Variants in DGKG observed in about 807,000 individuals in gnomAD.
The protein encoded by DGKG is DAG kinase gamma.
DGKG carries 78 observed loss-of-function variants against 105.3 expected under a neutral mutation model. The observed-to-expected ratio is 0.74, with a 90% CI of 0.62 to 0.89. The LOEUF is 0.89. Ranked by LOEUF, DGKG falls within the 40% of genes least tolerant of loss-of-function variation. The probability of loss-of-function intolerance (pLI) is 0.00; values close to 1 mark genes in which losing one functional copy is unlikely to be tolerated. For synonymous variants in DGKG, 346 were observed against 367.1 expected (o/e 0.94, Z 0.66); for missense variants, 958 against 1,020.1 (o/e 0.94, Z 0.83).
chr3:186,160,895 T>C (rs1412962302), intron 24 of DGKG: 1 of 985,488 alleles, frequency 1.0e-6, no homozygotes, highest in African/African-American at 1.7e-5. Context: ...ATATGGTAAG[T>C]CTGGGAATGG....
At chr3:186,339,214 T>G (rs1381531591) in intron 1 of DGKG, among the ~76,000 whole-genome samples, 2 of 152,182 alleles carry the variant, frequency 1.3e-5, no homozygotes, top group Non-Finnish European at 2.9e-5. Flanking sequence ...CTAGGAGCTA[T>G]GGGGGAGGCA....
chr3:186,216,356 C>T (rs769333252), intron 20 of DGKG, among the ~76,000 whole-genome samples: 26 of 152,004 alleles, frequency 1.7e-4, no homozygotes, highest in Non-Finnish European at 3.4e-4. Context: ...CCACAAGGGA[C>T]GTGGCTTTTA....
rs754522739 is a variant in DGKG, at chr3:186,268,933, G to A, written c.1000-16C>T. ...GCTGCATCACCTGCGGGAGGGAAGC[G>A]AACGATGCCAGGGAAAATGGCAGAA... On this transcript the variant is annotated splice_polypyrimidine_tract_variant and intron_variant, in intron 11 of 24. Coordinates refer to ENST00000265022, the MANE Select transcript of DGKG (RefSeq NM_001346.3). 7 of 1,580,198 alleles carry A rather than the reference G, an allele frequency of 4.4e-6. No homozygotes were observed. Among genetic ancestry groups the A allele is most frequent in the African/African-American group, 2.7e-5 (2 of 74,258 alleles).
At chr3:186,168,664 C>T (rs6781295) in intron 22 of DGKG, among the ~76,000 whole-genome samples, 4 of 151,954 alleles carry the variant, frequency 2.6e-5, no homozygotes, top group Admixed American at 6.6e-5. Context: ...CTGGCCAACA[C>T]GGTGAAACCC....
chr3:186,238,870 G>A (rs1009647127), intron 20 of DGKG, among the ~76,000 whole-genome samples: 2 of 152,122 alleles, frequency 1.3e-5, no homozygotes, highest in African/African-American at 4.8e-5. Flanking sequence ...AACCCATCTA[G>A]AGAGGCCATG....
intron 21 of DGKG, among the ~76,000 whole-genome samples, chr3:186,205,545 A>G (rs1049908328): frequency 6.6e-6 from 1 of 152,198 alleles, no homozygotes; most frequent in Non-Finnish European, 1.5e-5. Context: ...CCCTGTGTCT[A>G]CTAAAAATAC....
chr3:186,316,047 G>A (rs1724802766), intron 2 of DGKG, among the ~76,000 whole-genome samples: 2 of 152,270 alleles, frequency 1.3e-5, no homozygotes, highest in Non-Finnish European at 2.9e-5. Context: ...ACAAGAAAGT[G>A]CTGGAGAAAG....
In DGKG at chr3:186,280,662, A is replaced by G; in HGVS notation, c.669+8T>C. ...CTCCAAAGCCACCCCATCCTTATAG[A>G]AACTCACAGGCCTCAGCTCTGTGGG... On this transcript the variant is annotated splice_region_variant and intron_variant, in intron 8 of 24. Coordinates refer to ENST00000265022, the MANE Select transcript of DGKG (RefSeq NM_001346.3). The G allele has an allele frequency of 3.7e-6, 6 of 1,612,180 alleles. No individual in the cohort carries two copies. Among genetic ancestry groups the G allele is most frequent in the Non-Finnish European group, 5.1e-6 (6 of 1,178,300 alleles).
chr3:186,325,898 C>G (rs1180758070), intron 1 of DGKG, among the ~76,000 whole-genome samples: 1 of 152,084 alleles, frequency 6.6e-6, no homozygotes, highest in Non-Finnish European at 1.5e-5. Flanking sequence ...GTCATTTTTT[C>G]AGCACATCCT....
intron 2 of DGKG, among the ~76,000 whole-genome samples, chr3:186,317,223 TC>T (rs1475786903): frequency 5.9e-5 from 9 of 152,344 alleles, no homozygotes; most frequent in African/African-American, 2.2e-4. Flanking sequence ...CCTTTCTGGT[TC>T]TTCTCTCTGT....
intron 24 of DGKG, chr3:186,160,294 A>T: frequency 1.0e-6 from 1 of 985,396 alleles, no homozygotes; most frequent in Non-Finnish European, 1.2e-6. Flanking sequence ...GTTTTCAGCT[A>T]GGACTGAACC....
At chr3:186,350,460 T>A (rs1391862508) in intron 1 of DGKG, among the ~76,000 whole-genome samples, 1 of 152,252 alleles carries the variant, frequency 6.6e-6, no homozygotes, top group African/African-American at 2.4e-5. Flanking sequence ...ATTGTATACA[T>A]TTACCACATT....
At chr3:186,311,411 T>C (rs1724536864) in intron 2 of DGKG, among the ~76,000 whole-genome samples, 1 of 152,130 alleles carries the variant, frequency 6.6e-6, no homozygotes. Flanking sequence ...ACCCAACAGG[T>C]CAACTTGTTC....
At chr3:186,359,596 A>G (rs1014432276) in intron 1 of DGKG, among the ~76,000 whole-genome samples, 5 of 152,166 alleles carry the variant, frequency 3.3e-5, no homozygotes, top group Admixed American at 6.6e-5. Flanking sequence ...GCAACCCTAG[A>G]AAAATGGGAT....
chr3:186,326,235 T>C (rs768443985), intron 1 of DGKG, among the ~76,000 whole-genome samples: 1 of 152,022 alleles, frequency 6.6e-6, no homozygotes, highest in African/African-American at 2.4e-5. Flanking sequence ...CTATTAAAAA[T>C]ACAAAAATTA....
chr3:186,247,977 T>TTTCCTTCCTTCCTCCCTTCC (rs547928151), intron 19 of DGKG, among the ~76,000 whole-genome samples: 1 of 152,022 alleles, frequency 6.6e-6, no homozygotes, highest in Non-Finnish European at 1.5e-5. Flanking sequence ...TCCTTCCTTC[T>TTTCCTTCCTTCCTCCCTTCC]TTCCTTCCTT....
intron 20 of DGKG, among the ~76,000 whole-genome samples, chr3:186,219,054 A>G (rs922147909): frequency 1.3e-5 from 2 of 151,604 alleles, no homozygotes. Flanking sequence ...TAGTAATAAT[A>G]TTGACAGTAC....
intron 21 of DGKG, among the ~76,000 whole-genome samples, chr3:186,195,325 C>G (rs1002221644): frequency 6.6e-6 from 1 of 151,952 alleles, no homozygotes; most frequent in Non-Finnish European, 1.5e-5. Flanking sequence ...AAAGAATTAC[C>G]TTAATACTAT....
At chr3:186,243,781 A>T (rs1384576611) in intron 19 of DGKG, among the ~76,000 whole-genome samples, 1 of 152,174 alleles carries the variant, frequency 6.6e-6, no homozygotes, top group Non-Finnish European at 1.5e-5. Context: ...AATGAAAAAT[A>T]TACAAACCCA....
Sources: allele counts gnomAD v4.1 joint callset (sites outside exome capture counted in the v4.1 genomes callset), GRCh38; gene constraint gnomAD v4.1.1; transcripts MANE v1.5; gene names NCBI Gene and HGNC (gene_info 2026-07-23, HGNC 2026-07-21).